EIF4EBP1: variants seen among roughly 807,000 people sequenced by gnomAD.
EIF4EBP1 encodes eukaryotic translation initiation factor 4E-binding protein 1.
A neutral mutation model predicts 9.2 loss-of-function variants in EIF4EBP1; 5 were observed. The observed-to-expected ratio is 0.54, with a 90% confidence interval of 0.28 to 1.14. The LOEUF (loss-of-function observed/expected upper bound fraction) is 1.14, where lower values mean the gene tolerates loss of function less well. EIF4EBP1 is among the 50% of genes most tolerant of loss of function. EIF4EBP1 has a pLI of 0.09. For synonymous variants in EIF4EBP1, 62 were observed against 67.0 expected (o/e 0.93, Z 0.36); for missense variants, 139 against 169.6 (o/e 0.82, Z 1.00).
intron 1 of EIF4EBP1, among the ~76,000 whole-genome samples, 168 bp from the exon 2 acceptor site, chr8:38,056,913 T>C (rs1465854663): frequency 1.3e-5 from 2 of 152,012 alleles, no homozygotes; most frequent in Non-Finnish European, 2.9e-5. Context: ...TCCACCCATG[T>C]TGGTCTCCCA....
At chr8:38,030,862 A>C in intron 1 of EIF4EBP1, 144 bp downstream of exon 1, 1 of 1,248,334 alleles carries the variant, frequency 8.0e-7, no homozygotes. Flanking sequence ...AGCGAGGGTC[A>C]TGGAAGTGGC....
chr8:38,054,144 G>A (rs958920992), intron 1 of EIF4EBP1, among the ~76,000 whole-genome samples: 12 of 152,056 alleles, frequency 7.9e-5, no homozygotes, highest in Admixed American at 3.3e-4. Context: ...TAGGTTTCAC[G>A]CTATGATAAA....
rs1378271284 is a variant in EIF4EBP1, at chr8:38,060,342, G to A, written c.*407G>A. On this transcript the variant is annotated 3_prime_UTR_variant, in exon 3 of 3. Transcript: ENST00000338825. ...TCCTTCCCCAAGAGAGGAAATAAAA[G>A]CCACCTTCGCCCTAGGGCCAAGAGT... 1 of 264,630 alleles carries A rather than the reference G, an allele frequency of 3.8e-6. No individual in the cohort carries two copies. Among genetic ancestry groups the A allele is most frequent in the Non-Finnish European group, 7.3e-6 (1 of 136,920 alleles). 16.4% of individuals were successfully genotyped at this position (264,630 alleles called of 1,614,324 possible).
chr8:38,033,177 A>C (rs1585520166), intron 1 of EIF4EBP1, among the ~76,000 whole-genome samples: 2 of 139,126 alleles, frequency 1.4e-5, no homozygotes, highest in African/African-American at 2.7e-5. Flanking sequence ...CAATCCTCCC[A>C]CCCCAGCCTC....
chr8:38,046,966 G>C (rs908274103), intron 1 of EIF4EBP1, among the ~76,000 whole-genome samples: 1 of 152,150 alleles, frequency 6.6e-6, no homozygotes, highest in African/African-American at 2.4e-5. Flanking sequence ...CTGCTGGGAG[G>C]CAGGGTTCTG....
intron 1 of EIF4EBP1, among the ~76,000 whole-genome samples, chr8:38,046,199 G>A (rs971409518): frequency 7.2e-5 from 11 of 152,092 alleles, no homozygotes; most frequent in South Asian, 2.1e-4. Context: ...TTCCCCACCC[G>A]GCCTACACCT....
At chr8:38,052,592 C>T (rs980340575) in intron 1 of EIF4EBP1, among the ~76,000 whole-genome samples, 3 of 151,986 alleles carry the variant, frequency 2.0e-5, no homozygotes, top group African/African-American at 7.3e-5. Flanking sequence ...AGCCAGGCAT[C>T]TGTAATCCCA....
At chr8:38,054,312 G>A (rs553740191) in intron 1 of EIF4EBP1, among the ~76,000 whole-genome samples, 8 of 152,266 alleles carry the variant, frequency 5.3e-5, no homozygotes, top group South Asian at 2.1e-4. Context: ...TTAGCCGGGC[G>A]TGATAGCACA....
chr8:38,036,417 GCACGAGA>G (rs1563414269), intron 1 of EIF4EBP1, among the ~76,000 whole-genome samples: 1 of 152,070 alleles, frequency 6.6e-6, no homozygotes, highest in Non-Finnish European at 1.5e-5. Flanking sequence ...GGAGGCTGAG[GCACGAGA>G]CTCACTCGAA....
At chr8:38,057,412 TA>T (rs1809613796) in intron 2 of EIF4EBP1, 152 bp downstream of exon 2, 1 of 984,666 alleles carries the variant, frequency 1.0e-6, no homozygotes, top group Non-Finnish European at 1.4e-6. Flanking sequence ...AGGGTGAGAG[TA>T]GGGGTGGGGA....
At chr8:38,039,635 C>A (rs190482224) in intron 1 of EIF4EBP1, among the ~76,000 whole-genome samples, 92 of 152,050 alleles carry the variant, frequency 6.1e-4, no homozygotes, top group African/African-American at 2.1e-3. Context: ...AACTCCTGAC[C>A]TCAAGTGATC....
At chr8:38,042,075 A>C (rs902415835) in intron 1 of EIF4EBP1, among the ~76,000 whole-genome samples, 2 of 151,768 alleles carry the variant, frequency 1.3e-5, no homozygotes, top group African/African-American at 4.8e-5. Context: ...TTGAGCCTTC[A>C]TTGCAGGCCA....
At chr8:38,032,235 G>A (rs1013466262) in intron 1 of EIF4EBP1, among the ~76,000 whole-genome samples, 6 of 152,152 alleles carry the variant, frequency 3.9e-5, no homozygotes, top group Non-Finnish European at 7.3e-5. Context: ...CTTCTGGCCC[G>A]GGTACCAAGG....
chr8:38,056,015 C>G (rs897196147), intron 1 of EIF4EBP1, among the ~76,000 whole-genome samples: 3 of 152,038 alleles, frequency 2.0e-5, no homozygotes, highest in African/African-American at 7.2e-5. Flanking sequence ...CCGCAAAGCC[C>G]AGGCATTTCT....
intron 1 of EIF4EBP1, among the ~76,000 whole-genome samples, chr8:38,041,950 C>T (rs555606429): frequency 2.8e-4 from 43 of 152,156 alleles, no homozygotes; most frequent in African/African-American, 1.0e-3. Flanking sequence ...TATGATCACG[C>T]CACTGCACTT....
At chr8:38,050,388 A>G (rs1460653633) in intron 1 of EIF4EBP1, among the ~76,000 whole-genome samples, 1 of 152,098 alleles carries the variant, frequency 6.6e-6, no homozygotes, top group South Asian at 2.1e-4. Flanking sequence ...TCACTCTGTC[A>G]ATCAAACTGG....
At chr8:38,049,820 TTC>T (rs1199629893) in intron 1 of EIF4EBP1, among the ~76,000 whole-genome samples, 1 of 151,970 alleles carries the variant, frequency 6.6e-6, no homozygotes, top group African/African-American at 2.4e-5. Context: ...TTTTATTAGT[TTC>T]TCTTTTCTCC....
rs1188411423 is a variant in EIF4EBP1 at position 38,030,726 on chromosome 8, C to T, written c.145+8C>T. On this transcript the variant is annotated splice_region_variant and intron_variant, in intron 1 of 2. Coordinates refer to ENST00000338825, the MANE Select transcript of EIF4EBP1 (RefSeq NM_004095.4). ...TCAGCACCACCCCGGGAGGTAGGCG[C>T]GGGCTTGGCGACGCCGCTTGCCGGC... 47 of 1,379,316 alleles carry T rather than the reference C, an allele frequency of 3.4e-5. No homozygotes were observed. The highest frequency in any genetic ancestry group is 4.6e-5 in the African/African-American group (3 of 65,568). The allele number at this position is 1,379,316 out of a possible 1,614,324, so 85.4% of individuals were successfully genotyped here. A position where few individuals can be genotyped will look rare whatever the true frequency, so the allele number is the denominator to read the frequency against.
chr8:38,032,088 A>C (rs1809232830), intron 1 of EIF4EBP1, among the ~76,000 whole-genome samples: 1 of 152,082 alleles, frequency 6.6e-6, no homozygotes, highest in Non-Finnish European at 1.5e-5. Flanking sequence ...AGTTCTTTCA[A>C]ATGAGGGTGT....
Sources: gnomAD v4.1 joint callset for allele counts (sites outside exome capture counted in the v4.1 genomes callset) on GRCh38, gnomAD v4.1.1 for gene constraint, MANE v1.5 for transcripts, NCBI Gene and HGNC (gene_info 2026-07-23, HGNC 2026-07-21) for gene names.